Variants in LRP5 observed in about 807,000 individuals in gnomAD.
LRP5 encodes the protein LDL receptor related protein 5, also known as low-density lipoprotein receptor-related protein 5.
In LRP5, 62 loss-of-function variants were observed where a neutral mutation model predicts 154.1. That is an observed-to-expected ratio of 0.40 (90% CI 0.33 to 0.50). LRP5 has a LOEUF of 0.50. Among genes scored for constraint, LRP5 ranks in the 20% least tolerant of loss-of-function variants. The pLI is 0.55. For synonymous variants in LRP5, 966 were observed against 1,011.5 expected (o/e 0.96, Z 0.85); for missense variants, 1,915 against 2,336.7 (o/e 0.82, Z 3.72).
chr11:68,379,575 A>G (rs2098639188), intron 5 of LRP5, among the ~76,000 whole-genome samples: 1 of 152,202 alleles, frequency 6.6e-6, no homozygotes, highest in Non-Finnish European at 1.5e-5. Flanking sequence ...ACCAATTTCC[A>G]CGTTTACTGA....
At position 68,416,332 on chromosome 11, in the gene LRP5, C is replaced by T; in HGVS notation, c.2832C>T (p.Pro944=). 6.2e-7 allele frequency: 1 copy of T among 1,614,016 alleles called. No homozygotes were observed. Among genetic ancestry groups the T allele is most frequent in the Non-Finnish European group, 8.5e-7 (1 of 1,179,986 alleles). Reference sequence around the variant, plus strand: ...CCCTGTCTTTGCCTCCTCTAGCGCCCACCACCTTCTTGCTGTTCAGCCAGA... The same window carrying T: ...CCCTGTCTTTGCCTCCTCTAGCGCCTACCACCTTCTTGCTGTTCAGCCAGA... ...LDPSSRNCSP[P]TTFLLFSQKS... Residue 944 remains proline, a synonymous_variant, in exon 13 of 23, where the codon CCC becomes CCT. Transcript: ENST00000294304.
rs1466311902 is a variant in LRP5 at position 68,423,800 on chromosome 11, T to G, written c.3236+103T>G. 4.3e-6 allele frequency: 5 copies of G among 1,168,026 alleles called. No homozygotes were observed. Among genetic ancestry groups the G allele is most frequent in the Non-Finnish European group, 6.1e-6 (5 of 823,948 alleles). 72.4% of individuals were successfully genotyped at this position (1,168,026 alleles called of 1,614,324 possible). ...CACAGGCTGGGGAGACTTTCCACCC[T>G]GGGGATCCAATGGGTGGCTTTCCAG... On this transcript the variant is annotated intron_variant, in intron 14 of 22. Coordinates refer to ENST00000294304, the MANE Select transcript of LRP5 (RefSeq NM_002335.4). This position sits in a 1 kb window ranked among gnomAD's most constrained non-coding sequence, Gnocchi z 4.7.
At chr11:68,323,073 A>G (rs1323967132) in intron 1 of LRP5, among the ~76,000 whole-genome samples, 3 of 152,270 alleles carry the variant, frequency 2.0e-5, no homozygotes, top group Admixed American at 2.0e-4. Flanking sequence ...TTATGGAATA[A>G]TAAATGTTTA....
chr11:68,411,748 C>T lies in LRP5; in HGVS notation c.2503+128C>T. 6 of 954,030 alleles carry T rather than the reference C, an allele frequency of 6.3e-6. No homozygotes were observed. The South Asian group carries it at 9.9e-5, about 16-fold the overall frequency. 59.1% of individuals were successfully genotyped at this position (954,030 alleles called of 1,614,324 possible). A position where few individuals can be genotyped will look rare whatever the true frequency, so the allele number is the denominator to read the frequency against. On this transcript the variant is annotated intron_variant, in intron 11 of 22. Coordinates refer to ENST00000294304, the MANE Select transcript of LRP5 (RefSeq NM_002335.4). ...AACCTGGCAGGAGCTGTGGCCACACCCACGACTGCCCAGCAGCCTCACCCT... is the reference window on the plus strand; with the variant it reads ...AACCTGGCAGGAGCTGTGGCCACACTCACGACTGCCCAGCAGCCTCACCCT...
At chr11:68,319,347 C>T (rs2098595396) in intron 1 of LRP5, among the ~76,000 whole-genome samples, 2 of 152,024 alleles carry the variant, frequency 1.3e-5, no homozygotes, top group Admixed American at 6.5e-5. Context: ...GGATTACAGG[C>T]GTGAGCCACC....
At position 68,312,746 on chromosome 11, in the gene LRP5, C is replaced by CGCTGCTGCT. The variant is rs72555376; in HGVS notation, c.52_60dup (p.Leu18_Leu20dup). 133 of 1,061,332 alleles carry CGCTGCTGCT rather than the reference C, an allele frequency of 1.3e-4. No homozygotes were observed. The highest frequency in any genetic ancestry group is 1.8e-4 in the South Asian group (6 of 33,566). 65.7% of individuals were successfully genotyped at this position (1,061,332 alleles called of 1,614,324 possible). The stretch of plus-strand genomic sequence containing the variant: ...GCAGCGCCGCCCGGGCCGCCGTGGC[C>CGCTGCTGCT]GCTGCTGCTGCTGCTGCTGCTGCTG... On this transcript the variant is annotated inframe_insertion, in exon 1 of 23. Transcript: ENST00000294304.
chr11:68,383,052 A>G (rs554250024), intron 5 of LRP5, among the ~76,000 whole-genome samples: 6 of 151,866 alleles, frequency 4.0e-5, no homozygotes, highest in African/African-American at 1.4e-4. Flanking sequence ...ATATTTTTCT[A>G]TTTTTAGTAG....
At chr11:68,323,864 C>A (rs978722971) in intron 1 of LRP5, among the ~76,000 whole-genome samples, 1 of 152,242 alleles carries the variant, frequency 6.6e-6, no homozygotes, top group African/African-American at 2.4e-5. Flanking sequence ...GGTCGCTGCT[C>A]AGGGGGCCCA....
At chr11:68,382,803 G>A (rs762271691) in intron 5 of LRP5, among the ~76,000 whole-genome samples, 1 of 152,174 alleles carries the variant, frequency 6.6e-6, no homozygotes, top group South Asian at 2.1e-4. Flanking sequence ...GAGCGTTGGG[G>A]TCCTTGTCAG....
chr11:68,345,421 G>A (rs988557033), intron 1 of LRP5, among the ~76,000 whole-genome samples: 2 of 152,090 alleles, frequency 1.3e-5, no homozygotes, highest in Admixed American at 6.5e-5. Context: ...GTGAGTAGCT[G>A]GGATTACAGG....
chr11:68,409,289 AATAT>A (rs1044341571), intron 9 of LRP5, among the ~76,000 whole-genome samples: 1 of 142,486 alleles, frequency 7.0e-6, no homozygotes, highest in Non-Finnish European at 1.5e-5. Flanking sequence ...ATTTATAAAT[AATAT>A]ATAATACATA....
intron 7 of LRP5, among the ~76,000 whole-genome samples, chr11:68,399,769 T>TG (rs780776817): frequency 1.3e-5 from 2 of 152,194 alleles, no homozygotes; most frequent in Non-Finnish European, 2.9e-5. Context: ...GCCCCAGGTC[T>TG]GGGGGAGGCC....
intron 5 of LRP5, among the ~76,000 whole-genome samples, chr11:68,383,578 C>T (rs910413616): frequency 6.6e-6 from 1 of 152,218 alleles, no homozygotes; most frequent in Non-Finnish European, 1.5e-5. Flanking sequence ...GGAACCTGCC[C>T]GAGGTCACCC....
intron 16 of LRP5, among the ~76,000 whole-genome samples, chr11:68,428,383 A>G (rs2098670043): frequency 6.6e-6 from 1 of 152,146 alleles, no homozygotes; most frequent in Non-Finnish European, 1.5e-5. Flanking sequence ...AGCAACAGAA[A>G]TGGATTCCCC....
At chr11:68,418,934 G>A (rs903434420) in intron 13 of LRP5, among the ~76,000 whole-genome samples, 2 of 152,188 alleles carry the variant, frequency 1.3e-5, no homozygotes, top group African/African-American at 4.8e-5. Context: ...CTGGAGCTGC[G>A]TTCTTTTATG....
At position 68,436,878 on chromosome 11, in the gene LRP5, T is replaced by A. The variant is rs753760335; in HGVS notation, c.4001-11T>A. 1 of 1,608,050 alleles carries A rather than the reference T, an allele frequency of 6.2e-7. No homozygotes were observed. Among genetic ancestry groups the A allele is most frequent in the Non-Finnish European group, 8.5e-7 (1 of 1,174,936 alleles). On this transcript the variant is annotated splice_polypyrimidine_tract_variant and intron_variant, in intron 18 of 22. Transcript: ENST00000294304. Reference sequence around the variant, plus strand: ...CTCCAGCCTCTCTGAGTGCATGGCCTCTCCTTGCAGCCATCTGCCTGCCCA... The same window carrying A: ...CTCCAGCCTCTCTGAGTGCATGGCCACTCCTTGCAGCCATCTGCCTGCCCA...
At position 68,344,849 on chromosome 11, in the gene LRP5, C is replaced by CTTTTTTTT. The variant is rs58477287; in HGVS notation, c.92-2975_92-2968dup. On this transcript the variant is annotated intron_variant, in intron 1 of 22. Coordinates refer to ENST00000294304, the MANE Select transcript of LRP5 (RefSeq NM_002335.4). ...TTGTAGCATGTGTCAGAATCTCTCT[C>CTTTTTTTT]TTTTTTTTTTTTTTTTTTTTTTTTT... 9.3e-4 allele frequency among the ~76,000 whole-genome samples: 61 copies of CTTTTTTTT among 65,570 alleles called. 18 individuals carry two copies. The highest frequency in any genetic ancestry group is 0.013 in the Middle Eastern group (1 of 76). 43.0% of individuals were successfully genotyped at this position (65,570 alleles called of 152,430 possible).
intron 7 of LRP5, among the ~76,000 whole-genome samples, chr11:68,398,734 G>A (rs1249673936): frequency 2.6e-5 from 4 of 151,624 alleles, no homozygotes; most frequent in South Asian, 2.1e-4. Context: ...TCAAATTTCA[G>A]TGTCCATAAA....
chr11:68,389,777 C>T, intron 6 of LRP5, 104 bp from the exon 7 acceptor site: 1 of 1,123,438 alleles, frequency 8.9e-7, no homozygotes, highest in East Asian at 2.4e-5. Flanking sequence ...AACATTTAGC[C>T]ATGTGATGGG....
Sources: gnomAD v4.1 joint callset for allele counts (sites outside exome capture counted in the v4.1 genomes callset) on GRCh38, gnomAD v4.1.1 for gene constraint, Gnocchi (gnomAD v3.1) non-coding constraint, MANE v1.5 for transcripts, NCBI Gene and HGNC (gene_info 2026-07-23, HGNC 2026-07-21) for gene names.